Variants in TMC6 observed in about 807,000 individuals in gnomAD.
TMC6 encodes transmembrane channel like 6.
TMC6 carries 71 observed loss-of-function variants against 95.4 expected under a neutral mutation model. The observed-to-expected ratio is 0.74, with a 90% CI of 0.61 to 0.91. The LOEUF (loss-of-function observed/expected upper bound fraction) is 0.91, where lower values mean the gene tolerates loss of function less well. TMC6 is among the 40% of genes least tolerant of loss of function. TMC6 has a pLI of 0.00. For synonymous variants in TMC6, 514 were observed against 483.1 expected (o/e 1.06, Z -0.84); for missense variants, 1,074 against 1,079.1 (o/e 1.00, Z 0.07).
At position 78,113,608 on chromosome 17, in the gene TMC6, A is replaced by G. The variant is rs141422203; in HGVS notation, c.2294T>C (p.Ile765Thr). The G allele has an allele frequency of 4.3e-6, 7 of 1,613,692 alleles. No homozygotes were observed. Among genetic ancestry groups the G allele is most frequent in the Admixed American group, 1.7e-5 (1 of 59,970 alleles). ...GGAGTGAAGCTTGTTGATTAAGAAG[A>G]TTTTGTCCTCACCCTCCTAGAAAGG... ...EQISNEGEDK[I>T]FLINKLHSIY... The change falls in exon 19 of 20, where the codon ATC (isoleucine) becomes ACC (threonine). Residue 765 changes from isoleucine (I) to threonine (T), a missense_variant. Physicochemically the swap from Ile to Thr is moderately conservative, Grantham distance 89. Coordinates refer to ENST00000590602, the MANE Select transcript of TMC6 (RefSeq NM_001127198.5).
At position 78,119,357 on chromosome 17, in the gene TMC6, T is replaced by C. The variant is rs1397432993; in HGVS notation, c.1751A>G (p.Lys584Arg). ...ISEKKLKRRR[K>R]PEFDIARNVL... is the part of the protein sequence containing the mutation. ...ATTCCGGGCAATGTCAAACTCCGGC[T>C]TCCGCCTCCTCTTCAGCTTCTTCTC... Residue 584 changes from lysine (K) to arginine (R), a missense_variant, in exon 14 of 20, where the codon AAG becomes AGG. Lys to Arg is a conservative substitution (Grantham distance 26, BLOSUM62 2). Transcript: ENST00000590602. 1.9e-6 allele frequency: 3 copies of C among 1,613,888 alleles called. No homozygotes were observed. Among genetic ancestry groups the C allele is most frequent in the Non-Finnish European group, 1.7e-6 (2 of 1,180,014 alleles).
At chr17:78,113,792 A>G in intron 18 of TMC6, 168 bp from the exon 19 acceptor site, 1 of 716,062 alleles carries the variant, frequency 1.4e-6, no homozygotes, top group South Asian at 1.5e-5. Flanking sequence ...GACAAGGAAA[A>G]ACCAAGAGCC....
At chr17:78,119,711 T>C (rs1478307593) in intron 13 of TMC6, 1 of 427,630 alleles carries the variant, frequency 2.3e-6, no homozygotes, top group African/African-American at 2.0e-5. Context: ...CGTGGCTCAC[T>C]GCAGCCTTGA....
At chr17:78,126,932 G>A in intron 1 of TMC6, 26 bp from the exon 2 acceptor site, 1 of 1,426,952 alleles carries the variant, frequency 7.0e-7, no homozygotes, top group Non-Finnish European at 9.7e-7. Context: ...CACAGAGCCA[G>A]GGGTGGTCTT....
chr17:78,125,311 T>A, intron 5 of TMC6, 48 bp from the exon 6 acceptor site: 1 of 1,510,232 alleles, frequency 6.6e-7, no homozygotes, highest in East Asian at 2.5e-5. Flanking sequence ...TGCCCCTCCC[T>A]GCAGCCCGAA....
At chr17:78,132,311 C>G, upstream of TMC6, 1 of 1,607,726 alleles carries the variant, frequency 6.2e-7, no homozygotes, top group Non-Finnish European at 8.5e-7. Context: ...CAGCGCGGCC[C>G]CAGCCCCGGC....
intron 15 of TMC6, 116 bp from the exon 16 acceptor site, chr17:78,118,051 A>T (rs2074222483): frequency 6.6e-7 from 1 of 1,506,818 alleles, no homozygotes; most frequent in African/African-American, 1.4e-5. Flanking sequence ...CAGAGCCTGG[A>T]CCCTGCTCCC....
In TMC6 at chr17:78,113,637, G is replaced by C. The variant is rs771058485; in HGVS notation, c.2278-13C>G. The C allele has an allele frequency of 6.2e-7, 1 of 1,612,934 alleles. No individual in the cohort carries two copies. The highest frequency in any genetic ancestry group is 1.1e-5 in the South Asian group (1 of 91,082). Reference sequence around the variant, plus strand: ...TGTCCTCACCCTCCTAGAAAGGCCAGAACACAAAGGGGAGGAGAAATCATC... The same window carrying C: ...TGTCCTCACCCTCCTAGAAAGGCCACAACACAAAGGGGAGGAGAAATCATC... On this transcript the variant is annotated splice_polypyrimidine_tract_variant and intron_variant, in intron 18 of 19. Transcript: ENST00000590602.
Position 78,121,256 on chromosome 17 carries a change from G to T in TMC6, c.1384-92C>A. ...GAAGGGCCCGGGGTGGAACTGGCAG[G>T]TAGCACCTCCCTCCTCCAAGATCTG... On this transcript the variant is annotated intron_variant, in intron 11 of 19. Transcript: ENST00000590602. The surrounding 1 kb of genome is among the most constrained non-coding windows in gnomAD (Gnocchi z 5.6). 1 of 1,526,116 alleles carries T rather than the reference G, an allele frequency of 6.6e-7. No individual in the cohort carries two copies. The highest frequency in any genetic ancestry group is 1.2e-5 in the South Asian group (1 of 83,616). 94.5% of individuals were successfully genotyped at this position (1,526,116 alleles called of 1,614,324 possible).
rs1598812643 is a variant in TMC6 at position 78,112,987 on chromosome 17, C to G, written c.*161G>C. 15 of 770,576 alleles carry G rather than the reference C, an allele frequency of 1.9e-5. No homozygotes were observed. In the East Asian group the frequency reaches 4.0e-4, roughly 21 times the overall value. 47.7% of individuals were successfully genotyped at this position (770,576 alleles called of 1,614,324 possible). A position where few individuals can be genotyped will look rare whatever the true frequency, so the allele number is the denominator to read the frequency against. ...CAGGGCAGAGTTCATTGGGGATGCC[C>G]AAGCCGGATTCACCCACCCTTCCAG... On this transcript the variant is annotated 3_prime_UTR_variant, in exon 20 of 20. Transcript: ENST00000590602.
intron 9 of TMC6, 149 bp downstream of exon 9, chr17:78,123,840 A>C: frequency 9.4e-7 from 1 of 1,058,330 alleles, no homozygotes; most frequent in South Asian, 1.4e-5. Context: ...TGGGTGGGTA[A>C]GTGGATAGTT....
intron 18 of TMC6, among the ~76,000 whole-genome samples, chr17:78,115,980 T>TG (rs2074086833): frequency 1.3e-5 from 2 of 151,816 alleles, no homozygotes; most frequent in South Asian, 4.1e-4. Context: ...CTCTCCGGTA[T>TG]GGGGTCCGAC....
chr17:78,115,649 G>A (rs2074047497), intron 18 of TMC6, among the ~76,000 whole-genome samples: 1 of 148,968 alleles, frequency 6.7e-6, no homozygotes, highest in African/African-American at 2.5e-5. Flanking sequence ...GGCGAAGGGA[G>A]TGGGCACAGG....
Position 78,121,772 on chromosome 17 carries a change from GAC to G in TMC6, c.1228-63_1228-62del. 4.6e-6 allele frequency: 7 copies of G among 1,518,722 alleles called. No individual in the cohort carries two copies. The highest frequency in any genetic ancestry group is 6.2e-6 in the Non-Finnish European group (7 of 1,135,782). The allele number at this position is 1,518,722 out of a possible 1,614,324, so 94.1% of individuals were successfully genotyped here. A position where few individuals can be genotyped will look rare whatever the true frequency, so the allele number is the denominator to read the frequency against. ...GAGCACGGGCACACGCAGACGTGCA[GAC>G]ACAGCACAACACACACAACACACAT... On this transcript the variant is annotated intron_variant, in intron 10 of 19. Transcript: ENST00000590602. The surrounding 1 kb of genome is among the most constrained non-coding windows in gnomAD (Gnocchi z 5.6).
intron 18 of TMC6, among the ~76,000 whole-genome samples, chr17:78,114,754 G>A (rs977136866): frequency 4.6e-5 from 7 of 152,150 alleles, no homozygotes; most frequent in Non-Finnish European, 7.3e-5. Context: ...AGCTTCTATC[G>A]AGTTGCTGAT....
upstream of TMC6, chr17:78,131,427 A>G: frequency 8.3e-6 from 8 of 967,904 alleles, no homozygotes; most frequent in Non-Finnish European, 1.2e-5. Context: ...CTAGGGCTGC[A>G]GGAGCCCAGG....
At chr17:78,123,881 A>G in intron 9 of TMC6, 108 bp downstream of exon 9, 1 of 1,420,360 alleles carries the variant, frequency 7.0e-7, no homozygotes. Context: ...GCAGACAGGT[A>G]GATGGACAGA....
Position 78,126,284 on chromosome 17 carries a change from G to A in TMC6, c.264C>T (p.Arg88=). The A allele has an allele frequency of 6.4e-7, 1 of 1,559,078 alleles. No homozygotes were observed. The highest frequency in any genetic ancestry group is 8.7e-7 in the Non-Finnish European group (1 of 1,155,178). Reference sequence around the variant, plus strand: ...GCTGAGGGTCCCACTCACCAATGGTGCGGCTGGGCATGCTGGCCAGGATGC... The same window carrying A: ...GCTGAGGGTCCCACTCACCAATGGTACGGCTGGGCATGCTGGCCAGGATGC... ...TLRILASMPS[R]TIGRSRGAII... Residue 88 remains arginine, a synonymous_variant, in exon 4 of 20, where the codon CGC becomes CGT. Coordinates refer to ENST00000590602, the MANE Select transcript of TMC6 (RefSeq NM_001127198.5).
chr17:78,114,741 A>G (rs1164269211), intron 18 of TMC6, among the ~76,000 whole-genome samples: 1 of 152,182 alleles, frequency 6.6e-6, no homozygotes, highest in African/African-American at 2.4e-5. Flanking sequence ...CAACAACCTA[A>G]GTAGCTTCTA....
Sources: gnomAD v4.1 joint callset for allele counts (sites outside exome capture counted in the v4.1 genomes callset) on GRCh38, gnomAD v4.1.1 for gene constraint, Gnocchi (gnomAD v3.1) non-coding constraint, MANE v1.5 for transcripts, NCBI Gene and HGNC (gene_info 2026-07-23, HGNC 2026-07-21) for gene names.